Variants in TNFSF8 observed in about 807,000 individuals in gnomAD.
TNFSF8 encodes the protein TNF superfamily member 8, also known as tumor necrosis factor ligand superfamily member 8.
A neutral mutation model predicts 22.0 loss-of-function variants in TNFSF8; 4 were observed. That is an observed-to-expected ratio of 0.18 (90% CI 0.09 to 0.42). The LOEUF (loss-of-function observed/expected upper bound fraction) is 0.42, where lower values mean the gene tolerates loss of function less well. TNFSF8 is among the 10% of genes least tolerant of loss of function. The pLI, the probability that TNFSF8 is intolerant of heterozygous loss-of-function variation, is 1.00. For missense variants in TNFSF8, 233 were observed against 281.8 expected, an observed-to-expected ratio of 0.83 and a Z score of 1.24; for synonymous variants, 106 against 112.5, an observed-to-expected ratio of 0.94 and a Z score of 0.37.
In TNFSF8 at chr9:114,930,184, A is replaced by G. The variant is rs774804337; in HGVS notation, c.120T>C (p.Tyr40=). The G allele has an allele frequency of 1.3e-5, 21 of 1,605,158 alleles. 1 individual carries two copies. In the South Asian group the frequency reaches 2.2e-4, roughly 17 times the overall value. The change falls in exon 1 of 4, where the codon TAT becomes TAC. Residue 40 remains tyrosine (Y), a synonymous_variant. Transcript: ENST00000223795. ...ACAGAGCCAGAGTGGCTGTGGTCAA[A>G]TAGAAATAGCTGCGGCTCGTGGTCC... ...HLGTTSRSYF[Y]LTTATLALCL... is the part of the protein sequence containing the mutation.
chr9:114,915,149 T>A lies in TNFSF8; in HGVS notation c.238+2947A>T, dbSNP rs141145454. On this transcript the variant is annotated intron_variant, in intron 2 of 3. Transcript: ENST00000223795. ...TGGTTCCCCTCTGCCTGGAATGTCT[T>A]GCAATGGCTTTTTTCAAAAGGGACA... 4.1e-4 allele frequency among the ~76,000 whole-genome samples: 62 copies of A among 152,324 alleles called. 1 individual carries two copies. The Middle Eastern group carries it at 0.027, about 67-fold the overall frequency.
chr9:114,929,278 C>T (rs3181360), intron 1 of TNFSF8, among the ~76,000 whole-genome samples: 32,452 of 151,848 alleles, frequency 0.21, 7,042 homozygotes, highest in African/African-American at 0.55. Flanking sequence ...GTGTACCCAA[C>T]GATTGCTTAG....
chr9:114,897,509 T>C (rs186028714), downstream of TNFSF8, among the ~76,000 whole-genome samples: 4 of 152,184 alleles, frequency 2.6e-5, no homozygotes, highest in Admixed American at 2.6e-4. Flanking sequence ...GGGTAAAGTG[T>C]CATGCAATTA....
At position 114,905,830 on chromosome 9, in the gene TNFSF8, T is replaced by G. The variant is rs780116583; in HGVS notation, c.308A>C (p.Gln103Pro). ...GTTTCCTGGGCTTGGTTACTGACCT[T>G]GGAGGTAGGCCCATGACTTCTTGAA... ...APFKKSWAYLQVAKHLNKTKL... is the reference protein window; with the variant it reads ...APFKKSWAYLPVAKHLNKTKL... Residue 103 changes from glutamine (Q) to proline (P), a missense_variant and splice_region_variant, in exon 3 of 4, where the codon CAA (glutamine) becomes CCA (proline). Transcript: ENST00000223795. The G allele has an allele frequency of 2.5e-6, 4 of 1,610,546 alleles. No homozygotes were observed. In the Admixed American group the frequency reaches 6.7e-5, roughly 27 times the overall value.
chr9:114,929,357 CTTT>C (rs370592705), intron 1 of TNFSF8, among the ~76,000 whole-genome samples: 11 of 133,016 alleles, frequency 8.3e-5, no homozygotes, highest in Admixed American at 1.5e-4. Context: ...TGTGCTGTTT[CTTT>C]TTTTTTTTTT....
intron 2 of TNFSF8, among the ~76,000 whole-genome samples, chr9:114,910,414 G>A (rs1163360593): frequency 6.6e-6 from 1 of 152,156 alleles, no homozygotes; most frequent in African/African-American, 2.4e-5. Flanking sequence ...GAGAGACTAG[G>A]GTCTGGCCCA....
In TNFSF8 at chr9:114,923,522, C is replaced by CTTTCTTTCTTTCTTTCTTTCTT. The variant is rs758823996; in HGVS notation, c.196-5385_196-5384insAAGAAAGAAAGAAAGAAAGAAA. The stretch of plus-strand genomic sequence containing the variant: ...TCTTTCTTTCTTTCTTTCTTTCTTT[C>CTTTCTTTCTTTCTTTCTTTCTT]TTTTTTTTTTTTTGAGATGAAATCT... On this transcript the variant is annotated intron_variant, in intron 1 of 3. Coordinates refer to ENST00000223795, the MANE Select transcript of TNFSF8 (RefSeq NM_001244.4). Among the ~76,000 whole-genome samples, 539 of 89,656 alleles carry CTTTCTTTCTTTCTTTCTTTCTT rather than the reference C, an allele frequency of 6.0e-3. 3 individuals carry two copies. Among genetic ancestry groups the CTTTCTTTCTTTCTTTCTTTCTT allele is most frequent in the Admixed American group, 7.0e-3 (47 of 6,756 alleles). 58.8% of individuals were successfully genotyped at this position (89,656 alleles called of 152,430 possible).
chr9:114,918,452 A>G (rs7040707), intron 1 of TNFSF8, among the ~76,000 whole-genome samples: 25,390 of 129,550 alleles, frequency 0.2, 5,520 homozygotes, highest in African/African-American at 0.54. Flanking sequence ...CAGAGCTGGG[A>G]CTTTTTTTTT....
At chr9:114,908,285 C>G (rs768539090) in intron 2 of TNFSF8, among the ~76,000 whole-genome samples, 2 of 152,198 alleles carry the variant, frequency 1.3e-5, no homozygotes, top group Non-Finnish European at 2.9e-5. Flanking sequence ...TCTGTGGATA[C>G]AGAGTAAGTA....
At chr9:114,929,982 A>AGG (rs1194692775) in intron 1 of TNFSF8, 127 bp downstream of exon 1, 52 of 483,530 alleles carry the variant, frequency 1.1e-4, no homozygotes, top group African/African-American at 9.9e-4. Context: ...ATATATAGAG[A>AGG]GAGAGAGTTT....
chr9:114,919,835 T>C (rs1827965310), intron 1 of TNFSF8, among the ~76,000 whole-genome samples: 1 of 152,216 alleles, frequency 6.6e-6, no homozygotes, highest in Admixed American at 6.5e-5. Context: ...TGTTTTCTTA[T>C]GAATGGATCT....
At chr9:114,908,754 A>G (rs1564368881) in intron 2 of TNFSF8, among the ~76,000 whole-genome samples, 1 of 152,190 alleles carries the variant, frequency 6.6e-6, no homozygotes, top group South Asian at 2.1e-4. Context: ...GCTAAAGGGA[A>G]AAACACAGGC....
chr9:114,905,571 C>A (rs549911442), intron 3 of TNFSF8, among the ~76,000 whole-genome samples: 17 of 152,250 alleles, frequency 1.1e-4, no homozygotes, highest in African/African-American at 4.1e-4. Flanking sequence ...CCATGAATGC[C>A]CACAGAGGCC....
chr9:114,921,166 G>A (rs1455326215), intron 1 of TNFSF8, among the ~76,000 whole-genome samples: 2 of 152,200 alleles, frequency 1.3e-5, no homozygotes, highest in Non-Finnish European at 2.9e-5. Context: ...CAAAAGCAGA[G>A]CATCTCAAAC....
At chr9:114,913,350 T>C (rs1286908530) in intron 2 of TNFSF8, among the ~76,000 whole-genome samples, 2 of 152,198 alleles carry the variant, frequency 1.3e-5, no homozygotes, top group Non-Finnish European at 2.9e-5. Flanking sequence ...CCAAGGCACA[T>C]GACCCTTCAG....
In TNFSF8 at chr9:114,903,789, A is replaced by C; in HGVS notation, c.*142T>G. Reference sequence around the variant, plus strand: ...TTTAACCCTGGAGCTGTATCTTTCCAAGAGACAGAAGGAGAAGTATACTAT... The same window carrying C: ...TTTAACCCTGGAGCTGTATCTTTCCCAGAGACAGAAGGAGAAGTATACTAT... On this transcript the variant is annotated 3_prime_UTR_variant, in exon 4 of 4. Coordinates refer to ENST00000223795, the MANE Select transcript of TNFSF8 (RefSeq NM_001244.4). 7.0e-7 allele frequency: 1 copy of C among 1,424,934 alleles called. No individual in the cohort carries two copies. Among genetic ancestry groups the C allele is most frequent in the Non-Finnish European group, 9.1e-7 (1 of 1,096,208 alleles). The allele number at this position is 1,424,934 out of a possible 1,614,324, so 88.3% of individuals were successfully genotyped here. A position where few individuals can be genotyped will look rare whatever the true frequency, so the allele number is the denominator to read the frequency against.
At chr9:114,913,252 C>T (rs1425884842) in intron 2 of TNFSF8, among the ~76,000 whole-genome samples, 1 of 152,152 alleles carries the variant, frequency 6.6e-6, no homozygotes, top group Non-Finnish European at 1.5e-5. Context: ...CTTAGGGCCT[C>T]CAGGAACCTT....
At chr9:114,909,881 A>G (rs1441874118) in intron 2 of TNFSF8, among the ~76,000 whole-genome samples, 1 of 152,228 alleles carries the variant, frequency 6.6e-6, no homozygotes, top group Non-Finnish European at 1.5e-5. Context: ...GAGAAATGAA[A>G]GTTCCCTGAG....
At chr9:114,899,817 C>T (rs1308900697), downstream of TNFSF8, among the ~76,000 whole-genome samples, 3 of 152,164 alleles carry the variant, frequency 2.0e-5, no homozygotes, top group Non-Finnish European at 4.4e-5. Context: ...AGACTAAGCT[C>T]CAGGTCATGA....
Sources: gnomAD v4.1 joint callset for allele counts (sites outside exome capture counted in the v4.1 genomes callset) on GRCh38, gnomAD v4.1.1 for gene constraint, MANE v1.5 for transcripts, NCBI Gene and HGNC (gene_info 2026-07-23, HGNC 2026-07-21) for gene names.